Variants in RGS3 observed in about 807,000 individuals in gnomAD.
RGS3 encodes the protein regulator of G-protein signalling 3.
In RGS3, 80 loss-of-function variants were observed where a neutral mutation model predicts 132.6. That is an observed-to-expected ratio of 0.60 (90% CI 0.50 to 0.73). The LOEUF (loss-of-function observed/expected upper bound fraction) is 0.73, where lower values mean the gene tolerates loss of function less well. Among genes scored for constraint, RGS3 ranks in the 30% least tolerant of loss-of-function variants. The probability of loss-of-function intolerance (pLI) is 0.00; values close to 1 mark genes in which losing one functional copy is unlikely to be tolerated. For synonymous variants in RGS3, 598 were observed against 620.6 expected, an observed-to-expected ratio of 0.96 and a Z score of 0.54; for missense variants, 1,382 against 1,530.8, an observed-to-expected ratio of 0.90 and a Z score of 1.62.
chr9:113,565,645 C>G lies in RGS3; in HGVS notation c.2038-17805C>G. On this transcript the variant is annotated intron_variant, in intron 19 of 24. Transcript: ENST00000350696. This position sits in a 1 kb window ranked among gnomAD's most constrained non-coding sequence, Gnocchi z 5.7. ...TGCCACAGCCACGGCCGCCCGCCTG[C>G]GGGAGGAGCCGGGTGGAAACCTGGG... 7.4e-6 allele frequency: 2 copies of G among 270,766 alleles called. No individual in the cohort carries two copies. Among genetic ancestry groups the G allele is most frequent in the South Asian group, 6.8e-5 (2 of 29,442 alleles). 16.8% of individuals were successfully genotyped at this position (270,766 alleles called of 1,614,324 possible).
intron 19 of RGS3, among the ~76,000 whole-genome samples, chr9:113,569,578 TTTCCTTCCTTCCTTCCTTCC>T (rs1226691424): frequency 9.6e-4 from 85 of 88,956 alleles, no homozygotes; most frequent in South Asian, 1.7e-3. Context: ...TCTTTCCTTC[TTTCCTTCCTTCCTTCCTTCC>T]TTCCTTCCTT....
intron 17 of RGS3, among the ~76,000 whole-genome samples, chr9:113,528,449 C>G (rs982335422): frequency 2.0e-5 from 3 of 152,200 alleles, no homozygotes; most frequent in African/African-American, 7.2e-5. Flanking sequence ...ACCTTGAGTC[C>G]AAACTCAACA....
intron 19 of RGS3, among the ~76,000 whole-genome samples, chr9:113,555,499 G>A (rs1274406656): frequency 2.0e-5 from 3 of 150,734 alleles, no homozygotes; most frequent in Non-Finnish European, 2.9e-5. Flanking sequence ...ACAGAGTCTC[G>A]CTCTGTCGCC....
intron 1 of RGS3, among the ~76,000 whole-genome samples, chr9:113,450,351 A>G (rs1242283293): frequency 6.6e-6 from 1 of 152,162 alleles, no homozygotes; most frequent in African/African-American, 2.4e-5. Flanking sequence ...GATTACAGGC[A>G]TGAGCCACCG....
intron 7 of RGS3, among the ~76,000 whole-genome samples, chr9:113,492,620 T>G (rs1830556072): frequency 6.6e-6 from 1 of 152,198 alleles, no homozygotes; most frequent in South Asian, 2.1e-4. Flanking sequence ...TAACCAAGGC[T>G]TGGTTCCGGA....
intron 3 of RGS3, among the ~76,000 whole-genome samples, chr9:113,476,453 C>T (rs370555634): frequency 2.4e-4 from 37 of 152,120 alleles, no homozygotes; most frequent in South Asian, 4.1e-4. Flanking sequence ...CAGGCATGGC[C>T]GAGGGAGGGA....
At chr9:113,518,579 T>G (rs1831790794) in intron 16 of RGS3, among the ~76,000 whole-genome samples, 1 of 152,222 alleles carries the variant, frequency 6.6e-6, no homozygotes, top group African/African-American at 2.4e-5. Flanking sequence ...GAGGTTGGTT[T>G]GTTTTTTAAG....
At chr9:113,576,255 G>A (rs1483400993) in intron 19 of RGS3, among the ~76,000 whole-genome samples, 1 of 151,822 alleles carries the variant, frequency 6.6e-6, no homozygotes, top group Non-Finnish European at 1.5e-5. Context: ...TAAGCTCCTG[G>A]GTGATGCTGC....
chr9:113,469,253 A>G (rs374581419), intron 3 of RGS3, among the ~76,000 whole-genome samples: 23 of 152,114 alleles, frequency 1.5e-4, no homozygotes, highest in East Asian at 7.7e-4. Flanking sequence ...GAGGCCTTCA[A>G]TGTGTCCCTG....
chr9:113,525,622 G>C (rs1832166309), intron 17 of RGS3, among the ~76,000 whole-genome samples: 1 of 152,180 alleles, frequency 6.6e-6, no homozygotes, highest in African/African-American at 2.4e-5. Flanking sequence ...TTCAATTTGG[G>C]GCAAAGAAGA....
chr9:113,484,324 ATG>A, intron 6 of RGS3, 92 bp downstream of exon 4: 1 of 185,050 alleles, frequency 5.4e-6, no homozygotes, highest in Non-Finnish European at 9.9e-6. Context: ...AACTAGATCT[ATG>A]CAAAAAAAAA....
intron 3 of RGS3, among the ~76,000 whole-genome samples, chr9:113,468,348 A>T (rs1370747254): frequency 6.6e-6 from 1 of 152,166 alleles, no homozygotes; most frequent in Non-Finnish European, 1.5e-5. Flanking sequence ...TTTACTGAAA[A>T]TCAATTGCCC....
chr9:113,496,165 G>T (rs540559288), intron 8 of RGS3, among the ~76,000 whole-genome samples: 6 of 152,298 alleles, frequency 3.9e-5, no homozygotes, highest in African/African-American at 1.4e-4. Context: ...TCCTGGGCCT[G>T]CCCCAGAAGA....
exon 24 of RGS3, chr9:113,595,610 G>A (rs1035906993): frequency 6.2e-7 from 1 of 1,614,056 alleles, no homozygotes; most frequent in Non-Finnish European, 8.5e-7. Context: ...CGGGTTAGCA[G>A]TGTTCCAAGC....
intron 10 of RGS3, among the ~76,000 whole-genome samples, chr9:113,503,867 C>T (rs1449053629): frequency 1.3e-5 from 2 of 151,932 alleles, no homozygotes; most frequent in African/African-American, 4.8e-5. Context: ...TGCTCCTTTC[C>T]CCCAGCTTTC....
chr9:113,564,064 C>T (rs977837182), intron 19 of RGS3, among the ~76,000 whole-genome samples: 2 of 152,164 alleles, frequency 1.3e-5, no homozygotes, highest in African/African-American at 4.8e-5. Context: ...CAGGGACAGC[C>T]CAGGGTGCAT....
chr9:113,495,209 C>A (rs1162785862), intron 7 of RGS3, among the ~76,000 whole-genome samples: 1 of 152,188 alleles, frequency 6.6e-6, no homozygotes, highest in East Asian at 1.9e-4. Flanking sequence ...TTGAATTTAG[C>A]CCCTCGCCAT....
At chr9:113,488,827 C>T (rs1588153438) in intron 7 of RGS3, among the ~76,000 whole-genome samples, 1 of 152,340 alleles carries the variant, frequency 6.6e-6, no homozygotes. Flanking sequence ...CCTCCTTGCG[C>T]TCTCCTTTTC....
At chr9:113,510,289 A>G (rs921113763) in intron 14 of RGS3, among the ~76,000 whole-genome samples, 3 of 152,228 alleles carry the variant, frequency 2.0e-5, no homozygotes, top group Non-Finnish European at 4.4e-5. Flanking sequence ...ATGGCTGAGT[A>G]GTATTCCATC....
Sources: allele counts gnomAD v4.1 joint callset (sites outside exome capture counted in the v4.1 genomes callset), GRCh38; gene constraint gnomAD v4.1.1; non-coding constraint Gnocchi (gnomAD v3.1); transcripts MANE v1.5; gene names NCBI Gene and HGNC (gene_info 2026-07-23, HGNC 2026-07-21).